The following RGS12 variants were observed in gnomAD, a reference collection of about 807,000 sequenced individuals.
RGS12 encodes the protein regulator of G-protein signaling 12.
RGS12 carries 66 observed loss-of-function variants against 120.1 expected under a neutral mutation model. The observed-to-expected ratio is 0.55, with a 90% confidence interval of 0.45 to 0.67. RGS12 has a LOEUF of 0.67. Ranked by LOEUF, RGS12 falls within the 30% of genes least tolerant of loss-of-function variation. RGS12 has a pLI of 0.00. For synonymous variants in RGS12, 827 were observed against 804.7 expected, an observed-to-expected ratio of 1.03 and a Z score of -0.47; for missense variants, 1,859 against 1,957.7, an observed-to-expected ratio of 0.95 and a Z score of 0.95.
At chr4:3,286,340 C>T in the RGS12 span, among the ~76,000 whole-genome samples, 1 of 152,192 alleles carries the variant, frequency 6.6e-6, no homozygotes, top group Non-Finnish European at 1.5e-5. Flanking sequence ...GTTTCTGTTC[C>T]CCATTACTGC....
At chr4:3,321,177 G>A (rs1462268594) in intron 2 of RGS12, among the ~76,000 whole-genome samples, 1 of 152,222 alleles carries the variant, frequency 6.6e-6, no homozygotes, top group Non-Finnish European at 1.5e-5. Flanking sequence ...GTTAGCTGCT[G>A]AAAGAGAAAA....
intron 5 of RGS12, 103 bp downstream of exon 5, chr4:3,414,344 C>A: frequency 7.7e-7 from 1 of 1,303,168 alleles, no homozygotes; most frequent in Non-Finnish European, 1.0e-6. Flanking sequence ...CCCTGCGGGC[C>A]CTGAGCAGCC....
At chr4:3,341,789 G>A (rs1277439598) in intron 2 of RGS12, among the ~76,000 whole-genome samples, 2 of 115,712 alleles carry the variant, frequency 1.7e-5, no homozygotes, top group African/African-American at 6.9e-5. Context: ...GGGAGGGAGG[G>A]TGGAGAGATG....
chr4:3,359,901 G>C (rs751764773), intron 3 of RGS12, among the ~76,000 whole-genome samples: 2 of 152,058 alleles, frequency 1.3e-5, no homozygotes, highest in Non-Finnish European at 2.9e-5. Flanking sequence ...GGGATTACAG[G>C]CATGAGCCAC....
Position 3,414,110 on chromosome 4 carries a change from A to C in RGS12, c.2059A>C (p.Asn687His), listed in dbSNP as rs1317549319. ...GADLKDCVSN[N>H]SLSSNASLPS... ...CGACCTGAAGGACTGCGTCAGCAAC[A>C]ACAGCCTGAGCAGCAATGCCAGCCT... Residue 687 changes from asparagine to histidine, a missense_variant, in exon 5 of 18, where the codon AAC (asparagine) becomes CAC (histidine). Coordinates refer to ENST00000336727, the MANE Select transcript of RGS12 (RefSeq NM_001394154.1). The C allele has an allele frequency of 6.4e-7, 1 of 1,574,510 alleles. No individual in the cohort carries two copies. The highest frequency in any genetic ancestry group is 1.8e-5 in the Admixed American group (1 of 56,730).
chr4:3,359,875 A>C (rs113390633), intron 3 of RGS12, among the ~76,000 whole-genome samples: 2 of 151,996 alleles, frequency 1.3e-5, no homozygotes, highest in African/African-American at 4.8e-5. Flanking sequence ...CGCCCACCTC[A>C]GCCTCCCAAA....
At chr4:3,334,926 T>C (rs1712278254) in intron 2 of RGS12, among the ~76,000 whole-genome samples, 1 of 152,194 alleles carries the variant, frequency 6.6e-6, no homozygotes, top group Admixed American at 6.5e-5. Flanking sequence ...ATCCACTTTT[T>C]CTAGGTTCTC....
rs1724871109 is a variant in RGS12 at position 3,317,589 on chromosome 4, T to C, written c.1419T>C (p.Thr473=). The C allele has an allele frequency of 1.3e-6, 2 of 1,595,792 alleles. No homozygotes were observed. The highest frequency in any genetic ancestry group is 1.7e-6 in the Non-Finnish European group (2 of 1,170,910). The change falls in exon 2 of 18, where the codon ACT becomes ACC. Residue 473 remains threonine, a synonymous_variant. Transcript: ENST00000336727. The stretch of plus-strand genomic sequence containing the variant: ...CCCAGCCCTGGGGTGCTCCCTGGAC[T>C]GGGCCCTTCTGTCCGGACCCCGAAG... ...RGAQPWGAPW[T]GPFCPDPEGS... is the part of the protein sequence containing the mutation.
At chr4:3,370,266 C>T in intron 3 of RGS12, 1 of 1,614,044 alleles carries the variant, frequency 6.2e-7, no homozygotes, top group South Asian at 1.1e-5. Context: ...CGGTGCCTTA[C>T]AATGAATTTG....
intron 1 of RGS12, among the ~76,000 whole-genome samples, chr4:3,309,586 TGTGTTGAGGAGGAG>T (rs1560645751): frequency 8.2e-5 from 6 of 72,906 alleles, no homozygotes; most frequent in Admixed American, 1.5e-4. Context: ...TGAGGGGAAC[TGTGTTGAGGAGGAG>T]CTGGGACCTG....
At chr4:3,342,905 A>C (rs1713390046) in intron 2 of RGS12, 32 bp from the exon 3 acceptor site, 2 of 1,439,070 alleles carry the variant, frequency 1.4e-6, no homozygotes, top group Non-Finnish European at 2.0e-6. Flanking sequence ...TTTGCAAAAG[A>C]ATAACCTGAT....
intron 3 of RGS12, among the ~76,000 whole-genome samples, chr4:3,345,723 GAGACTT>G (rs1713726286): frequency 6.6e-6 from 1 of 152,236 alleles, no homozygotes; most frequent in Non-Finnish European, 1.5e-5. Flanking sequence ...TACTTCTGCA[GAGACTT>G]AAGCAACAGA....
chr4:3,288,287 A>C (rs1196060145), upstream of RGS12, among the ~76,000 whole-genome samples: 1 of 151,992 alleles, frequency 6.6e-6, no homozygotes, highest in Non-Finnish European at 1.5e-5. This position sits in a 1 kb window ranked among gnomAD's most constrained non-coding sequence, Gnocchi z 5.2. Context: ...CTGGGCCCTG[A>C]CAGGAGGGGG....
chr4:3,341,154 C>T (rs1277399143), intron 2 of RGS12, among the ~76,000 whole-genome samples: 7 of 145,688 alleles, frequency 4.8e-5, no homozygotes, highest in South Asian at 2.3e-4. Context: ...CCCCTCTGCC[C>T]GTCTTTAGGG....
chr4:3,356,230 T>C (rs74743435), intron 3 of RGS12, among the ~76,000 whole-genome samples: 1,750 of 152,008 alleles, frequency 0.012, 35 homozygotes, highest in African/African-American at 0.04. Flanking sequence ...AATTTTTGTA[T>C]TTTTTGTAGA....
At position 3,317,679 on chromosome 4, in the gene RGS12, G is replaced by A; in HGVS notation, c.1509G>A (p.Gly503=). The A allele has an allele frequency of 6.2e-7, 1 of 1,609,664 alleles. No individual in the cohort carries two copies. Among genetic ancestry groups the A allele is most frequent in the Non-Finnish European group, 8.5e-7 (1 of 1,177,288 alleles). Residue 503 remains glycine (G), a synonymous_variant, in exon 2 of 18, where the codon GGG becomes GGA. Coordinates refer to ENST00000336727, the MANE Select transcript of RGS12 (RefSeq NM_001394154.1). The stretch of plus-strand genomic sequence containing the variant: ...TCTGGGACCTAAACAAGCACCTAGG[G>A]CCAGCCTCTCCTGTGGAGGTGCCCC... ...DRFWDLNKHL[G]PASPVEVPPA... is the part of the protein sequence containing the mutation.
chr4:3,360,754 A>G (rs28553925), intron 3 of RGS12, among the ~76,000 whole-genome samples: 1 of 152,204 alleles, frequency 6.6e-6, no homozygotes, highest in Non-Finnish European at 1.5e-5. Flanking sequence ...ATCAAAACAT[A>G]CCGTTCCTAG....
At chr4:3,309,130 T>C (rs370356614) in intron 1 of RGS12, among the ~76,000 whole-genome samples, 709 of 36,294 alleles carry the variant, frequency 0.02, no homozygotes, top group African/African-American at 0.062. Flanking sequence ...GAGCTGGGAC[T>C]CGGGAATGGC....
At chr4:3,437,006 G>C (rs1019646242) in intron 17 of RGS12, among the ~76,000 whole-genome samples, 1 of 152,216 alleles carries the variant, frequency 6.6e-6, no homozygotes, top group Non-Finnish European at 1.5e-5. Context: ...AGGAGGCCAG[G>C]CCCCTCTGGA....
Sources: gnomAD v4.1 joint callset for allele counts (sites outside exome capture counted in the v4.1 genomes callset) on GRCh38, gnomAD v4.1.1 for gene constraint, Gnocchi (gnomAD v3.1) non-coding constraint, MANE v1.5 for transcripts, NCBI Gene and HGNC (gene_info 2026-07-23, HGNC 2026-07-21) for gene names.